PAX8: variants seen among roughly 807,000 people sequenced by gnomAD.
The protein encoded by PAX8 is paired box 8.
Under a neutral mutation model 52.4 loss-of-function variants are expected in PAX8, and 15 were observed. The observed-to-expected ratio is 0.29, with a 90% confidence interval of 0.19 to 0.44. The LOEUF (loss-of-function observed/expected upper bound fraction) is 0.44, where lower values mean the gene tolerates loss of function less well. PAX8 is among the 20% of genes least tolerant of loss of function. The probability of loss-of-function intolerance (pLI) is 1.00; values close to 1 mark genes in which losing one functional copy is unlikely to be tolerated. For missense variants in PAX8, 554 were observed against 602.5 expected (o/e 0.92, Z 0.84); for synonymous variants, 284 against 249.7 (o/e 1.14, Z -1.29).
At position 113,218,524 on chromosome 2, in the gene PAX8, C is replaced by T; in HGVS notation, c.*9G>A. The T allele has an allele frequency of 6.5e-7, 1 of 1,537,370 alleles. No individual in the cohort carries two copies. The highest frequency in any genetic ancestry group is 1.2e-5 in the South Asian group (1 of 82,298). On this transcript the variant is annotated 3_prime_UTR_variant, in exon 12 of 12. Coordinates refer to ENST00000429538, the MANE Select transcript of PAX8 (RefSeq NM_003466.4). ...TGTTGCTCAGTCGCTCCCACTGTCC[C>T]CATGGCAACTACAGATGGTCAAAGG...
At chr2:113,235,237 A>G in intron 9 of PAX8, 157 bp downstream of exon 9, 1 of 629,442 alleles carries the variant, frequency 1.6e-6, no homozygotes. Context: ...CGTCACAGAG[A>G]ACTTCATGTT....
chr2:113,244,325 C>T, intron 4 of PAX8, 102 bp downstream of exon 4: 1 of 900,704 alleles, frequency 1.1e-6, no homozygotes, highest in Non-Finnish European at 1.8e-6. Context: ...AGGCCCCTTC[C>T]CGGCCTCTGC....
intron 7 of PAX8, chr2:113,239,994 C>G (rs1471550935): frequency 2.0e-5 from 3 of 152,232 alleles, no homozygotes; most frequent in Non-Finnish European, 4.4e-5. Flanking sequence ...TGGGGGTGCT[C>G]TGTAGTCAAG....
chr2:113,277,955 G>A lies in PAX8; in HGVS notation c.25+415C>T, dbSNP rs1693942952. Among the ~76,000 whole-genome samples, 7 of 152,208 alleles carry A rather than the reference G, an allele frequency of 4.6e-5. No homozygotes were observed. The South Asian group carries it at 1.4e-3, about 32-fold the overall frequency. On this transcript the variant is annotated intron_variant, in intron 2 of 11. Transcript: ENST00000429538. ...GTCCAGCCAGGGGAGTCACTGGGAAGGACTGCGCGCACCCGAGGAAGAGGA... is the reference window on the plus strand; with the variant it reads ...GTCCAGCCAGGGGAGTCACTGGGAAAGACTGCGCGCACCCGAGGAAGAGGA...
rs1463862301 is a variant in PAX8, at chr2:113,218,176, G to A, written c.*357C>T. 13 of 270,480 alleles carry A rather than the reference G, an allele frequency of 4.8e-5. No individual in the cohort carries two copies. Among genetic ancestry groups the A allele is most frequent in the South Asian group, 3.1e-4 (2 of 6,506 alleles). 16.8% of individuals were successfully genotyped at this position (270,480 alleles called of 1,614,324 possible). On this transcript the variant is annotated 3_prime_UTR_variant, in exon 12 of 12. Coordinates refer to ENST00000429538, the MANE Select transcript of PAX8 (RefSeq NM_003466.4). ...GGTGCCCTGTGCACCCCTTGGGCCC[G>A]GGCAGGAACCATTCGCCATCCCCCC...
chr2:113,231,520 G>A (rs539795263), intron 9 of PAX8, among the ~76,000 whole-genome samples: 1 of 149,408 alleles, frequency 6.7e-6, no homozygotes, highest in Non-Finnish European at 1.5e-5. Context: ...GGAAATAAGT[G>A]ACCCAGAGAA....
At chr2:113,265,432 G>C (rs1692981823) in intron 2 of PAX8, 1 of 152,284 alleles carries the variant, frequency 6.6e-6, no homozygotes, top group African/African-American at 2.4e-5. Flanking sequence ...CCTGCAGTTG[G>C]GCTGAACCCT....
At chr2:113,246,099 G>A (rs912666262) in intron 3 of PAX8, among the ~76,000 whole-genome samples, 2 of 152,244 alleles carry the variant, frequency 1.3e-5, no homozygotes, top group Non-Finnish European at 2.9e-5. Flanking sequence ...CTTTGGGTCA[G>A]TGGTTCTCAA....
intron 2 of PAX8, among the ~76,000 whole-genome samples, chr2:113,251,200 T>C (rs1022550983): frequency 6.6e-6 from 1 of 152,162 alleles, no homozygotes; most frequent in Non-Finnish European, 1.5e-5. Flanking sequence ...TGGACTCTTC[T>C]GGGTGAGTCA....
chr2:113,273,430 A>G (rs926774889), intron 2 of PAX8: 2 of 143,452 alleles, frequency 1.4e-5, no homozygotes, highest in African/African-American at 5.3e-5. Flanking sequence ...ACATTTGGAA[A>G]TGTACCAAGA....
In PAX8 at chr2:113,242,630, G is replaced by A. The variant is rs557456737; in HGVS notation, c.478+60C>T. On this transcript the variant is annotated intron_variant, in intron 5 of 11. Transcript: ENST00000429538. ...TGTGTGTGCCTCTGTGTATATGTGG[G>A]TATGCTGAAGGGGAGGTGTACACGA... 1.7e-4 allele frequency: 190 copies of A among 1,094,806 alleles called. No homozygotes were observed. The African/African-American group carries it at 2.0e-3, about 12-fold the overall frequency. The allele number at this position is 1,094,806 out of a possible 1,614,324, so 67.8% of individuals were successfully genotyped here.
At chr2:113,273,334 G>A (rs1298164366) in intron 2 of PAX8, 2 of 152,246 alleles carry the variant, frequency 1.3e-5, no homozygotes, top group East Asian at 3.8e-4. Context: ...CCCCAGAAGA[G>A]CTGGGTCCTC....
chr2:113,277,877 C>A (rs1018917198), intron 2 of PAX8, among the ~76,000 whole-genome samples: 1 of 152,068 alleles, frequency 6.6e-6, no homozygotes, highest in Non-Finnish European at 1.5e-5. Flanking sequence ...GGCTCCCGGG[C>A]CCGGGACCAC....
rs555650547 is a variant in PAX8, at chr2:113,277,239, C to T, written c.25+1131G>A. On this transcript the variant is annotated intron_variant, in intron 2 of 11. Coordinates refer to ENST00000429538, the MANE Select transcript of PAX8 (RefSeq NM_003466.4). ...CATTCGTCTGCAGCTCTAGAGAGAA[C>T]CCGAGTGAGAAATCTTCCGGCGCCC... Among the ~76,000 whole-genome samples the T allele has an allele frequency of 3.3e-5, 5 of 152,306 alleles. No homozygotes were observed. The South Asian group carries it at 8.3e-4, about 25-fold the overall frequency.
At chr2:113,251,918 G>T (rs1161339062) in intron 2 of PAX8, among the ~76,000 whole-genome samples, 4 of 152,166 alleles carry the variant, frequency 2.6e-5, no homozygotes, top group African/African-American at 7.2e-5. Flanking sequence ...AAAGGCAGGG[G>T]CCCTGTCTTT....
chr2:113,235,586 C>A lies in PAX8; in HGVS notation c.899-4G>T. 1 of 1,605,006 alleles carries A rather than the reference C, an allele frequency of 6.2e-7. No individual in the cohort carries two copies. Among genetic ancestry groups the A allele is most frequent in the Non-Finnish European group, 8.5e-7 (1 of 1,173,992 alleles). ...ATGGCGAAGGGTGAGTGAGGATCTGCCGGAGGGAGGGAGACAACAAGGAGA... is the reference window on the plus strand; with the variant it reads ...ATGGCGAAGGGTGAGTGAGGATCTGACGGAGGGAGGGAGACAACAAGGAGA... On this transcript the variant is annotated splice_polypyrimidine_tract_variant and splice_region_variant and intron_variant, in intron 8 of 11. Coordinates refer to ENST00000429538, the MANE Select transcript of PAX8 (RefSeq NM_003466.4).
intron 2 of PAX8, among the ~76,000 whole-genome samples, chr2:113,248,989 G>A (rs1691552426): frequency 6.7e-6 from 1 of 149,462 alleles, no homozygotes; most frequent in Non-Finnish European, 1.5e-5. Flanking sequence ...AAAGGGAGGT[G>A]GGGGTGCTCT....
At chr2:113,252,175 TA>T (rs1691823133) in intron 2 of PAX8, among the ~76,000 whole-genome samples, 1 of 152,206 alleles carries the variant, frequency 6.6e-6, no homozygotes, top group Admixed American at 6.5e-5. Context: ...TTTAGTCCCA[TA>T]GAGTGTCAAG....
intron 2 of PAX8, among the ~76,000 whole-genome samples, chr2:113,252,023 T>C (rs1350647545): frequency 6.6e-6 from 1 of 152,248 alleles, no homozygotes; most frequent in East Asian, 1.9e-4. Context: ...TTCTGCATGG[T>C]GGGACCCCCA....
Sources: gnomAD v4.1 joint callset for allele counts (sites outside exome capture counted in the v4.1 genomes callset) on GRCh38, gnomAD v4.1.1 for gene constraint, MANE v1.5 for transcripts, NCBI Gene and HGNC (gene_info 2026-07-23, HGNC 2026-07-21) for gene names.